Variants in PPHLN1 observed in about 807,000 individuals in gnomAD.
PPHLN1 encodes the protein periphilin 1.
PPHLN1 carries 29 observed loss-of-function variants against 51.3 expected under a neutral mutation model. That is an observed-to-expected ratio of 0.57 (90% CI 0.42 to 0.77). PPHLN1 has a LOEUF of 0.77. Among genes scored for constraint, PPHLN1 ranks in the 30% least tolerant of loss-of-function variants. The pLI, the probability that PPHLN1 is intolerant of heterozygous loss-of-function variation, is 0.00. For missense variants in PPHLN1, 436 were observed against 438.4 expected (o/e 0.99, Z 0.05); for synonymous variants, 147 against 147.8 (o/e 0.99, Z 0.04).
At chr12:42,375,210 G>C in intron 5 of PPHLN1, 136 bp downstream of exon 5, 1 of 658,724 alleles carries the variant, frequency 1.5e-6, no homozygotes, top group Non-Finnish European at 2.4e-6. Context: ...TTACAGAAAA[G>C]ATGGTAGAAT....
chr12:42,327,521 A>G (rs543357113), intron 1 of PPHLN1, among the ~76,000 whole-genome samples: 34 of 152,170 alleles, frequency 2.2e-4, no homozygotes, highest in African/African-American at 7.0e-4. Flanking sequence ...GTTTCCTCCT[A>G]TCTTTTTCTG....
At chr12:42,359,758 T>C (rs1176317769) in intron 4 of PPHLN1, 1 of 152,220 alleles carries the variant, frequency 6.6e-6, no homozygotes, top group African/African-American at 2.4e-5. Flanking sequence ...ATTTTTGTTT[T>C]TGTCAGTGGG....
intron 5 of PPHLN1, among the ~76,000 whole-genome samples, chr12:42,382,109 A>C (rs1307111744): frequency 6.6e-6 from 1 of 152,140 alleles, no homozygotes; most frequent in Non-Finnish European, 1.5e-5. Flanking sequence ...TTCTTTTCGC[A>C]GGAAAACACA....
At chr12:42,403,590 G>C (rs2079027700) in intron 9 of PPHLN1, among the ~76,000 whole-genome samples, 2 of 152,156 alleles carry the variant, frequency 1.3e-5, no homozygotes, top group African/African-American at 4.8e-5. Context: ...ATCTCTTTAA[G>C]TGGGAAGCTT....
At chr12:42,381,368 T>C (rs2076744509) in intron 5 of PPHLN1, among the ~76,000 whole-genome samples, 1 of 152,230 alleles carries the variant, frequency 6.6e-6, no homozygotes. Context: ...TAGTATATTC[T>C]GTCAGTAGCA....
At chr12:42,365,493 G>A (rs1018177122) in intron 4 of PPHLN1, among the ~76,000 whole-genome samples, 1 of 152,072 alleles carries the variant, frequency 6.6e-6, no homozygotes, top group Admixed American at 6.6e-5. Context: ...GACACTGAGG[G>A]TTCTATCACC....
downstream of PPHLN1, chr12:42,442,700 G>C: frequency 6.2e-7 from 1 of 1,614,098 alleles, no homozygotes; most frequent in South Asian, 1.1e-5. Flanking sequence ...AATGGATCAC[G>C]ACGGAACCCC....
intron 1 of PPHLN1, among the ~76,000 whole-genome samples, chr12:42,332,888 T>C (rs947098909): frequency 6.6e-6 from 1 of 152,194 alleles, no homozygotes; most frequent in African/African-American, 2.4e-5. Flanking sequence ...TAATTTACAT[T>C]CATCATTTTT....
intron 9 of PPHLN1, among the ~76,000 whole-genome samples, chr12:42,404,630 T>C (rs2079131568): frequency 6.6e-6 from 1 of 152,238 alleles, no homozygotes; most frequent in Non-Finnish European, 1.5e-5. Flanking sequence ...GTTTCGACTA[T>C]TTGCCTCTTA....
At chr12:42,373,482 T>G (rs1410274085) in intron 4 of PPHLN1, among the ~76,000 whole-genome samples, 1 of 152,238 alleles carries the variant, frequency 6.6e-6, no homozygotes. Flanking sequence ...CCTGTTTATA[T>G]CCTATGGACT....
At chr12:42,436,214 A>G (rs1237011432) in intron 9 of PPHLN1, among the ~76,000 whole-genome samples, 1 of 152,080 alleles carries the variant, frequency 6.6e-6, no homozygotes, top group Non-Finnish European at 1.5e-5. Flanking sequence ...CTTGATTCTT[A>G]ATTTTTCTGC....
intron 9 of PPHLN1, among the ~76,000 whole-genome samples, chr12:42,426,172 C>A (rs1055232735): frequency 8.2e-6 from 1 of 122,188 alleles, no homozygotes; most frequent in South Asian, 3.0e-4. Context: ...AGACTTGACA[C>A]CACACACACA....
At chr12:42,369,938 T>C (rs2075641430) in intron 4 of PPHLN1, among the ~76,000 whole-genome samples, 1 of 152,220 alleles carries the variant, frequency 6.6e-6, no homozygotes, top group Non-Finnish European at 1.5e-5. Flanking sequence ...CCAATCTGCC[T>C]CTGTATCGTG....
chr12:42,340,311 C>CAA lies in PPHLN1; in HGVS notation c.72+4354_72+4355dup, dbSNP rs201722204. On this transcript the variant is annotated intron_variant, in intron 2 of 9. Transcript: ENST00000358314. ...GGCAACAGAGGGAGAGATCCTGTCT[C>CAA]AAAAAAAAAAAAAAAAAAGATTTAA... Among the ~76,000 whole-genome samples, 134 of 77,340 alleles carry CAA rather than the reference C, an allele frequency of 1.7e-3. 1 individual carries two copies. The highest frequency in any genetic ancestry group is 0.011 in the South Asian group (28 of 2,568). 50.7% of individuals were successfully genotyped at this position (77,340 alleles called of 152,430 possible). A position where few individuals can be genotyped will look rare whatever the true frequency, so the allele number is the denominator to read the frequency against.
chr12:42,389,855 C>A (rs1467732331), intron 7 of PPHLN1, among the ~76,000 whole-genome samples: 2 of 152,052 alleles, frequency 1.3e-5, no homozygotes, highest in East Asian at 3.8e-4. Flanking sequence ...GTACATATCT[C>A]TATTCTATAG....
intron 9 of PPHLN1, among the ~76,000 whole-genome samples, chr12:42,439,427 C>T (rs2082749088): frequency 1.3e-5 from 2 of 152,182 alleles, no homozygotes; most frequent in African/African-American, 4.8e-5. Flanking sequence ...ACTGTCCTGT[C>T]CTTGATCTTT....
chr12:42,356,247 G>A (rs998352526), intron 4 of PPHLN1, among the ~76,000 whole-genome samples: 1 of 152,198 alleles, frequency 6.6e-6, no homozygotes, highest in African/African-American at 2.4e-5. Context: ...GTGGATCAGA[G>A]CAAGACAGAT....
At position 42,390,663 on chromosome 12, in the gene PPHLN1, A is replaced by AT. The variant is rs565051381; in HGVS notation, c.649-2901dup. Reference sequence around the variant, plus strand: ...CTAAACTTTCTTAAAACATTACGTGATTTTTTCCTTTTTTTTTTTTTTAAG... The same window carrying AT: ...CTAAACTTTCTTAAAACATTACGTGATTTTTTTCCTTTTTTTTTTTTTTAAG... On this transcript the variant is annotated intron_variant, in intron 7 of 9. Transcript: ENST00000358314. Among the ~76,000 whole-genome samples the AT allele has an allele frequency of 4.0e-4, 57 of 141,044 alleles. No homozygotes were observed. In the East Asian group the frequency reaches 4.1e-3, roughly 10 times the overall value. The allele number at this position is 141,044 out of a possible 152,430, so 92.5% of individuals were successfully genotyped here. A position where few individuals can be genotyped will look rare whatever the true frequency, so the allele number is the denominator to read the frequency against.
chr12:42,371,821 G>A (rs2075829047), intron 4 of PPHLN1, among the ~76,000 whole-genome samples: 1 of 152,052 alleles, frequency 6.6e-6, no homozygotes, highest in Non-Finnish European at 1.5e-5. Context: ...TGGATATATT[G>A]GGTTAAGTAA....
Sources: allele counts gnomAD v4.1 joint callset (sites outside exome capture counted in the v4.1 genomes callset), GRCh38; gene constraint gnomAD v4.1.1; transcripts MANE v1.5; gene names NCBI Gene and HGNC (gene_info 2026-07-23, HGNC 2026-07-21).